Variants in ST8SIA4 observed in about 807,000 individuals in gnomAD.
ST8SIA4 encodes the protein CMP-N-acetylneuraminate-poly-alpha-2,8-sialyltransferase.
A neutral mutation model predicts 33.9 loss-of-function variants in ST8SIA4; 15 were observed. That is an observed-to-expected ratio of 0.44 (90% CI 0.30 to 0.68). The LOEUF (loss-of-function observed/expected upper bound fraction) is 0.68. Ranked by LOEUF, ST8SIA4 falls within the 30% of genes least tolerant of loss-of-function variation. ST8SIA4 has a pLI of 0.10. For synonymous variants in ST8SIA4, 171 were observed against 151.2 expected, an observed-to-expected ratio of 1.13 and a Z score of -0.96; for missense variants, 321 against 428.0, an observed-to-expected ratio of 0.75 and a Z score of 2.21.
At position 100,808,891 on chromosome 5, in the gene ST8SIA4, C is replaced by T. The variant is rs1274479761; in HGVS notation, c.*2956G>A. On this transcript the variant is annotated 3_prime_UTR_variant, in exon 5 of 5. Coordinates refer to ENST00000231461, the MANE Select transcript of ST8SIA4 (RefSeq NM_005668.6). Reference sequence around the variant, plus strand: ...TTCTTTGAACCCTAAATACCTTTAACTGAATTCATTCTTGACTATTGAAAT... The same window carrying T: ...TTCTTTGAACCCTAAATACCTTTAATTGAATTCATTCTTGACTATTGAAAT... The T allele has an allele frequency of 1.3e-5, 2 of 152,616 alleles. No homozygotes were observed. Among genetic ancestry groups the T allele is most frequent in the African/African-American group, 4.8e-5 (2 of 41,436 alleles). The allele number at this position is 152,616 out of a possible 1,614,324, so 9.5% of individuals were successfully genotyped here.
intron 4 of ST8SIA4, among the ~76,000 whole-genome samples, chr5:100,854,852 C>A (rs143688100): frequency 6.6e-6 from 1 of 152,288 alleles, no homozygotes; most frequent in Non-Finnish European, 1.5e-5. Context: ...ACTTGCCCTT[C>A]CTTTCCAAGT....
chr5:100,814,599 A>T (rs1034555420), intron 4 of ST8SIA4, among the ~76,000 whole-genome samples: 1 of 151,924 alleles, frequency 6.6e-6, no homozygotes, highest in Non-Finnish European at 1.5e-5. Context: ...AAATACCTTA[A>T]ATCAGGTCAC....
In ST8SIA4 at chr5:100,858,506, T is replaced by C. The variant is rs143875063; in HGVS notation, c.504-2110A>G. On this transcript the variant is annotated intron_variant, in intron 3 of 4. Coordinates refer to ENST00000231461, the MANE Select transcript of ST8SIA4 (RefSeq NM_005668.6). ...TTCAGGAAAAAAATCACTCAATTAC[T>C]GTATACTTTTTCTTGCCACATCTTT... is the stretch of plus-strand genomic sequence containing the variant. Among the ~76,000 whole-genome samples, 1,300 of 152,180 alleles carry C rather than the reference T, an allele frequency of 8.5e-3. 12 individuals carry two copies. The highest frequency in any genetic ancestry group is 0.015 in the Non-Finnish European group (1,018 of 67,888).
intron 3 of ST8SIA4, among the ~76,000 whole-genome samples, chr5:100,865,820 C>G (rs1028528303): frequency 6.6e-6 from 1 of 152,068 alleles, no homozygotes; most frequent in Non-Finnish European, 1.5e-5. Context: ...ATTTACTCTT[C>G]TTGCCACTGT....
At chr5:100,883,406 A>G (rs1752470690) in intron 3 of ST8SIA4, among the ~76,000 whole-genome samples, 1 of 152,104 alleles carries the variant, frequency 6.6e-6, no homozygotes, top group Non-Finnish European at 1.5e-5. Context: ...CTTGCTTTTG[A>G]TTTTACAGGC....
chr5:100,886,522 T>A lies in ST8SIA4; in HGVS notation c.324A>T (p.Ile108=). 6.2e-7 allele frequency: 1 copy of A among 1,613,842 alleles called. No individual in the cohort carries two copies. Among genetic ancestry groups the A allele is most frequent in the African/African-American group, 1.3e-5 (1 of 75,022 alleles). Residue 108 remains isoleucine (I), a synonymous_variant, in exon 3 of 5, where the codon ATA becomes ATT. Coordinates refer to ENST00000231461, the MANE Select transcript of ST8SIA4 (RefSeq NM_005668.6). Reference sequence around the variant, plus strand: ...TCCGGCGCCTGTCAAGCACATAGTGTATGACATCACCAGGCTTAAAACTGC... The same window carrying A: ...TCCGGCGCCTGTCAAGCACATAGTGAATGACATCACCAGGCTTAAAACTGC... ...VKSSFKPGDV[I]HYVLDRRRTL...
At chr5:100,850,425 G>C (rs1417162599) in intron 4 of ST8SIA4, among the ~76,000 whole-genome samples, 2 of 150,820 alleles carry the variant, frequency 1.3e-5, no homozygotes, top group African/African-American at 4.9e-5. Flanking sequence ...TTTTGTTATA[G>C]TAGAATTTAA....
At chr5:100,820,497 A>G (rs1289718192) in intron 4 of ST8SIA4, among the ~76,000 whole-genome samples, 1 of 152,078 alleles carries the variant, frequency 6.6e-6, no homozygotes, top group African/African-American at 2.4e-5. Context: ...ATAAAATTGT[A>G]TATATTTATT....
chr5:100,880,597 A>T (rs1752397578), intron 3 of ST8SIA4, among the ~76,000 whole-genome samples: 1 of 152,162 alleles, frequency 6.6e-6, no homozygotes, highest in African/African-American at 2.4e-5. Flanking sequence ...CTTTATGATG[A>T]AGAGAGACTT....
At chr5:100,836,077 G>A (rs553037879) in intron 4 of ST8SIA4, among the ~76,000 whole-genome samples, 1 of 152,080 alleles carries the variant, frequency 6.6e-6, no homozygotes, top group East Asian at 1.9e-4. Context: ...TACCTTGAGA[G>A]AGAAATGAGC....
intron 4 of ST8SIA4, among the ~76,000 whole-genome samples, chr5:100,845,754 G>A (rs1751555611): frequency 6.6e-6 from 1 of 151,884 alleles, no homozygotes; most frequent in Non-Finnish European, 1.5e-5. Flanking sequence ...AATATTTTTA[G>A]TAACGATTTT....
intron 4 of ST8SIA4, among the ~76,000 whole-genome samples, chr5:100,839,447 T>C (rs1054464926): frequency 6.6e-6 from 1 of 152,008 alleles, no homozygotes; most frequent in African/African-American, 2.4e-5. Flanking sequence ...GTTCTCTTTG[T>C]TAAATTGAAA....
At chr5:100,834,692 C>A (rs190230168) in intron 4 of ST8SIA4, among the ~76,000 whole-genome samples, 1 of 151,972 alleles carries the variant, frequency 6.6e-6, no homozygotes, top group Non-Finnish European at 1.5e-5. Flanking sequence ...GCTGTCCTTG[C>A]GATAGTGAGT....
rs556214056 is a variant in ST8SIA4 at position 100,871,637 on chromosome 5, C to G, written c.503+14706G>C. 1.6e-4 allele frequency among the ~76,000 whole-genome samples: 25 copies of G among 152,148 alleles called. No homozygotes were observed. In the South Asian group the frequency reaches 3.3e-3, roughly 20 times the overall value. ...TATCAGACAATAATAATTTGTGTCT[C>G]TAGTCAACAGGCTTTCCTTTTAGCC... On this transcript the variant is annotated intron_variant, in intron 3 of 4. Transcript: ENST00000231461.
chr5:100,836,506 C>A lies in ST8SIA4; in HGVS notation c.797+19597G>T, dbSNP rs544045549. 5.9e-5 allele frequency among the ~76,000 whole-genome samples: 9 copies of A among 151,736 alleles called. No individual in the cohort carries two copies. In the East Asian group the frequency reaches 1.5e-3, roughly 26 times the overall value. On this transcript the variant is annotated intron_variant, in intron 4 of 4. Coordinates refer to ENST00000231461, the MANE Select transcript of ST8SIA4 (RefSeq NM_005668.6). ...TGGATAAAAATACATAGAAAAGAAA[C>A]CTAAGATTGAATGTAGAAAGGAAGG...
chr5:100,830,915 AATATT>A (rs1033576466), intron 4 of ST8SIA4, among the ~76,000 whole-genome samples: 10 of 152,306 alleles, frequency 6.6e-5, no homozygotes, highest in African/African-American at 1.7e-4. Context: ...TTCAAATATA[AATATT>A]ATGTTTTATT....
At chr5:100,814,993 A>C (rs1251830357) in intron 4 of ST8SIA4, among the ~76,000 whole-genome samples, 2 of 151,992 alleles carry the variant, frequency 1.3e-5, no homozygotes, top group Non-Finnish European at 2.9e-5. Flanking sequence ...CTCATTAGGA[A>C]AAATATTAAA....
Position 100,808,312 on chromosome 5 carries a change from T to C in ST8SIA4, c.*3535A>G, listed in dbSNP as rs1750735961. ...GATATACAATTCATATGATATACAA[T>C]ACATGAACACATTTGAATGCCCAGC... is the stretch of plus-strand genomic sequence containing the variant. On this transcript the variant is annotated 3_prime_UTR_variant, in exon 5 of 5. Coordinates refer to ENST00000231461, the MANE Select transcript of ST8SIA4 (RefSeq NM_005668.6). 1 of 152,652 alleles carries C rather than the reference T, an allele frequency of 6.6e-6. No homozygotes were observed. The allele number at this position is 152,652 out of a possible 1,614,324, so 9.5% of individuals were successfully genotyped here.
At chr5:100,856,426 G>GAAAAAAA (rs201066345) in intron 3 of ST8SIA4, 30 bp from the exon 4 acceptor site, 1 of 1,525,756 alleles carries the variant, frequency 6.6e-7, no homozygotes, top group African/African-American at 1.4e-5. Flanking sequence ...TGGGACAAAT[G>GAAAAAAA]AAAAAAAAAG....
Sources: gnomAD v4.1 joint callset for allele counts (sites outside exome capture counted in the v4.1 genomes callset) on GRCh38, gnomAD v4.1.1 for gene constraint, MANE v1.5 for transcripts, NCBI Gene and HGNC (gene_info 2026-07-23, HGNC 2026-07-21) for gene names.